The following RAP1GAP variants were observed in gnomAD, a reference collection of about 807,000 sequenced individuals.
The protein encoded by RAP1GAP is RAP1 GTPase activating protein.
A neutral mutation model predicts 87.2 loss-of-function variants in RAP1GAP; 35 were observed. The observed-to-expected ratio is 0.40, with a 90% CI of 0.31 to 0.53. RAP1GAP has a LOEUF of 0.53. RAP1GAP is among the 20% of genes least tolerant of loss of function. The pLI, the probability that RAP1GAP is intolerant of heterozygous loss-of-function variation, is 0.48. For missense variants in RAP1GAP, 734 were observed against 898.9 expected, an observed-to-expected ratio of 0.82 and a Z score of 2.35; for synonymous variants, 375 against 363.9, an observed-to-expected ratio of 1.03 and a Z score of -0.35.
At chr1:21,660,779 C>G (rs72660354) in intron 1 of RAP1GAP, among the ~76,000 whole-genome samples, 1 of 152,186 alleles carries the variant, frequency 6.6e-6, no homozygotes, top group Non-Finnish European at 1.5e-5. Context: ...TGCTCACGAA[C>G]GGCTTGCACG....
intron 10 of RAP1GAP, among the ~76,000 whole-genome samples, chr1:21,612,543 C>T (rs11586663): frequency 0.031 from 4,746 of 152,306 alleles, 115 homozygotes; most frequent in Non-Finnish European, 0.042. Context: ...TTCTCCTCCT[C>T]ACCTTAGGCC....
chr1:21,651,202 G>A (rs2096535357), intron 1 of RAP1GAP, among the ~76,000 whole-genome samples: 1 of 152,214 alleles, frequency 6.6e-6, no homozygotes, highest in Non-Finnish European at 1.5e-5. Flanking sequence ...AGTGGCCCAG[G>A]GAGGAGGAGG....
chr1:21,664,179 G>A (rs115032784), intron 1 of RAP1GAP, among the ~76,000 whole-genome samples: 55 of 152,292 alleles, frequency 3.6e-4, no homozygotes, highest in African/African-American at 1.0e-3. Flanking sequence ...CCTAGTTCCC[G>A]GGTGGCTTGG....
chr1:21,613,828 G>T lies in RAP1GAP; in HGVS notation c.396-122C>A. On this transcript the variant is annotated intron_variant, in intron 8 of 24. Coordinates refer to ENST00000374765, the MANE Select transcript of RAP1GAP (RefSeq NM_002885.4). The surrounding 1 kb of genome is among the most constrained non-coding windows in gnomAD (Gnocchi z 4.7). The stretch of plus-strand genomic sequence containing the variant: ...CAGCGAGGACCAGAGGTGATGATGG[G>T]TGTCAGGCTGACTCGGGTACTAACT... 1 of 1,167,178 alleles carries T rather than the reference G, an allele frequency of 8.6e-7. No homozygotes were observed. The highest frequency in any genetic ancestry group is 1.3e-6 in the Non-Finnish European group (1 of 791,668). The allele number at this position is 1,167,178 out of a possible 1,614,324, so 72.3% of individuals were successfully genotyped here. A position where few individuals can be genotyped will look rare whatever the true frequency, so the allele number is the denominator to read the frequency against.
rs1025028897 is a variant in RAP1GAP, at chr1:21,617,453, C to T, written c.144G>A (p.Leu48=). ...CAATCCAGTAGCCCCCAAACTGGGG[C>T]AGCAGGATGAGGGGGAAGGGTCCTT... ...GREGPFPLIL[L]PQFGGYWIEG... Residue 48 remains leucine (L), a synonymous_variant, in exon 7 of 25, where the codon CTG becomes CTA. Coordinates refer to ENST00000374765, the MANE Select transcript of RAP1GAP (RefSeq NM_002885.4). 1 of 1,606,268 alleles carries T rather than the reference C, an allele frequency of 6.2e-7. No individual in the cohort carries two copies.
chr1:21,607,449 G>A (rs2075412187), intron 17 of RAP1GAP, among the ~76,000 whole-genome samples: 1 of 152,176 alleles, frequency 6.6e-6, no homozygotes. Context: ...GAAATTTGAA[G>A]TGTCCGTGCT....
intron 3 of RAP1GAP, among the ~76,000 whole-genome samples, chr1:21,621,515 C>T (rs1446216244): frequency 1.3e-5 from 2 of 152,216 alleles, no homozygotes; most frequent in Non-Finnish European, 2.9e-5. Flanking sequence ...GTAAAACCCA[C>T]CACAGGAGTC....
intron 2 of RAP1GAP, among the ~76,000 whole-genome samples, chr1:21,642,719 GA>G (rs764179913): frequency 8.5e-5 from 13 of 152,126 alleles, no homozygotes; most frequent in Non-Finnish European, 1.5e-4. Context: ...GGCCTACAGG[GA>G]CATGATCTGG....
At chr1:21,653,089 T>C (rs1013705976) in intron 1 of RAP1GAP, 1 of 152,146 alleles carries the variant, frequency 6.6e-6, no homozygotes, top group Non-Finnish European at 1.5e-5. Context: ...CAGCATCCCC[T>C]GGGAAATGAC....
Position 21,660,345 on chromosome 1 carries a change from A to ATATATATATATATTTATTTATT in RAP1GAP, c.-149+8908_-149+8909insAATAAATAAATATATATATATA. Among the ~76,000 whole-genome samples, 218 of 92,636 alleles carry ATATATATATATATTTATTTATT rather than the reference A, an allele frequency of 2.4e-3. 30 individuals are homozygous for ATATATATATATATTTATTTATT. The highest frequency in any genetic ancestry group is 0.01 in the Middle Eastern group (2 of 192). The allele number at this position is 92,636 out of a possible 152,430, so 60.8% of individuals were successfully genotyped here. A position where few individuals can be genotyped will look rare whatever the true frequency, so the allele number is the denominator to read the frequency against. On this transcript the variant is annotated intron_variant, in intron 1 of 24. Coordinates refer to ENST00000374765, the MANE Select transcript of RAP1GAP (RefSeq NM_002885.4). The stretch of plus-strand genomic sequence containing the variant: ...AGAGTGGGTTCCAACTCAGCTATAT[A>ATATATATATATATTTATTTATT]TATTTATTGAGACAGTCTCGCTCTG...
Position 21,603,777 on chromosome 1 carries a change from G to T in RAP1GAP, c.1429-864C>A. On this transcript the variant is annotated intron_variant, in intron 18 of 24. Transcript: ENST00000374765. The surrounding 1 kb of genome is among the most constrained non-coding windows in gnomAD (Gnocchi z 6.0). ...CCAATATGGCCTCCGTCCTGAGAGCGAGCAGAGAACAGCGCGTGCAGGCAG... is the reference window on the plus strand; with the variant it reads ...CCAATATGGCCTCCGTCCTGAGAGCTAGCAGAGAACAGCGCGTGCAGGCAG... 6.5e-7 allele frequency: 1 copy of T among 1,532,742 alleles called. No homozygotes were observed. Among genetic ancestry groups the T allele is most frequent in the Middle Eastern group, 1.7e-4 (1 of 5,908 alleles). The allele number at this position is 1,532,742 out of a possible 1,614,324, so 94.9% of individuals were successfully genotyped here. A position where few individuals can be genotyped will look rare whatever the true frequency, so the allele number is the denominator to read the frequency against.
At chr1:21,628,286 C>A (rs1415673876) in intron 2 of RAP1GAP, among the ~76,000 whole-genome samples, 1 of 151,692 alleles carries the variant, frequency 6.6e-6, no homozygotes, top group Admixed American at 6.6e-5. Flanking sequence ...GGCGTGATGG[C>A]TCACACCTGT....
intron 11 of RAP1GAP, 52 bp downstream of exon 11, chr1:21,611,974 C>A (rs562718440): frequency 4.7e-6 from 7 of 1,494,832 alleles, no homozygotes; most frequent in African/African-American, 2.8e-5. Context: ...AGGTGTGAGG[C>A]TCCAGATATG....
At chr1:21,628,400 TAAAAAAAAA>T (rs528098037) in intron 2 of RAP1GAP, among the ~76,000 whole-genome samples, 6 of 52,434 alleles carry the variant, frequency 1.1e-4, no homozygotes, top group Admixed American at 2.9e-4. Context: ...CCATCTCTAC[TAAAAAAAAA>T]AAAAAAAAAA....
At chr1:21,617,273 C>T (rs2082823444) in intron 7 of RAP1GAP, 33 bp downstream of exon 7, 5 of 1,550,618 alleles carry the variant, frequency 3.2e-6, no homozygotes, top group African/African-American at 1.4e-5. Flanking sequence ...TGACCCACCC[C>T]AGCCAGCCCC....
At chr1:21,612,395 G>C (rs2149389662) in intron 10 of RAP1GAP, among the ~76,000 whole-genome samples, 1 of 152,166 alleles carries the variant, frequency 6.6e-6, no homozygotes, top group South Asian at 2.1e-4. Flanking sequence ...GAGTTTTGCT[G>C]TGAGCCCCAG....
In RAP1GAP at chr1:21,609,230, G is replaced by T. The variant is rs1362898154; in HGVS notation, c.1072-294C>A. On this transcript the variant is annotated intron_variant, in intron 15 of 24. Transcript: ENST00000374765. The surrounding 1 kb of genome is among the most constrained non-coding windows in gnomAD (Gnocchi z 4.4). The stretch of plus-strand genomic sequence containing the variant: ...GCTTCAGTCTAGGGTAGCAGAACAC[G>T]CTACGTACAGAGCTGAAGCCCAGGC... 1.3e-5 allele frequency among the ~76,000 whole-genome samples: 2 copies of T among 152,132 alleles called. No individual in the cohort carries two copies. The highest frequency in any genetic ancestry group is 2.1e-4 in the South Asian group (1 of 4,830).
At position 21,647,422 on chromosome 1, in the gene RAP1GAP, C is replaced by T. The variant is rs534813096; in HGVS notation, c.-113+2339G>A. Among the ~76,000 whole-genome samples the T allele has an allele frequency of 5.3e-5, 8 of 152,264 alleles. No homozygotes were observed. In the East Asian group the frequency reaches 1.5e-3, roughly 29 times the overall value. On this transcript the variant is annotated intron_variant, in intron 2 of 24. Coordinates refer to ENST00000374765, the MANE Select transcript of RAP1GAP (RefSeq NM_002885.4). ...AAGGTTGCAGTGAGCCGAGACTGCA[C>T]AACTACACTACAGCCTGGGCGACAG...
chr1:21,654,545 T>C (rs2096782461), intron 1 of RAP1GAP, among the ~76,000 whole-genome samples: 1 of 152,226 alleles, frequency 6.6e-6, no homozygotes, highest in Admixed American at 6.5e-5. Context: ...AAGTAAAACA[T>C]TTGCTGACTG....
Sources: gnomAD v4.1 joint callset for allele counts (sites outside exome capture counted in the v4.1 genomes callset) on GRCh38, gnomAD v4.1.1 for gene constraint, Gnocchi (gnomAD v3.1) non-coding constraint, MANE v1.5 for transcripts, NCBI Gene and HGNC (gene_info 2026-07-23, HGNC 2026-07-21) for gene names.